UBTD2: variants seen among roughly 807,000 people sequenced by gnomAD.
UBTD2 encodes the protein ubiquitin domain-containing protein 2.
A neutral mutation model predicts 19.8 loss-of-function variants in UBTD2; 9 were observed. That is an observed-to-expected ratio of 0.46 (90% CI 0.27 to 0.79). The LOEUF (loss-of-function observed/expected upper bound fraction) is 0.79, where lower values mean the gene tolerates loss of function less well. Among genes scored for constraint, UBTD2 ranks in the 30% least tolerant of loss-of-function variants. The pLI is 0.14. For missense variants in UBTD2, 250 were observed against 300.4 expected (o/e 0.83, Z 1.24); for synonymous variants, 98 against 103.9 (o/e 0.94, Z 0.35).
chr5:172,227,591 G>A (rs1771795435), intron 2 of UBTD2, among the ~76,000 whole-genome samples: 1 of 150,900 alleles, frequency 6.6e-6, no homozygotes, highest in Admixed American at 6.6e-5. Context: ...TACCACGTTA[G>A]CCAGGATGGT....
chr5:172,263,849 C>CTGTGTGTGTGTGTGTGTG (rs1234224827), intron 1 of UBTD2, among the ~76,000 whole-genome samples: 11 of 34,144 alleles, frequency 3.2e-4, no homozygotes, highest in African/African-American at 3.0e-3. Flanking sequence ...ATGCACGTGC[C>CTGTGTGTGTGTGTGTGTG]TCTGTGTGTG....
Position 172,210,636 on chromosome 5 carries a change from T to C in UBTD2, c.*1194A>G, listed in dbSNP as rs565053780. ...GAGGGAGGAAAATTGTCATCTACCA[T>C]GACTAGAGGTAACAGTGAACTGGAA... On this transcript the variant is annotated 3_prime_UTR_variant, in exon 3 of 3. Transcript: ENST00000393792. 2.6e-5 allele frequency: 4 copies of C among 152,268 alleles called. No homozygotes were observed. The highest frequency in any genetic ancestry group is 2.4e-5 in the African/African-American group (1 of 41,558). The allele number at this position is 152,268 out of a possible 1,614,324, so 9.4% of individuals were successfully genotyped here. A position where few individuals can be genotyped will look rare whatever the true frequency, so the allele number is the denominator to read the frequency against.
chr5:172,244,780 G>A (rs1211444554), intron 1 of UBTD2, among the ~76,000 whole-genome samples: 1 of 152,046 alleles, frequency 6.6e-6, no homozygotes, highest in Non-Finnish European at 1.5e-5. Flanking sequence ...TCAGGATGGA[G>A]TGCAATGGTG....
At chr5:172,241,926 G>A (rs1231133050) in intron 1 of UBTD2, among the ~76,000 whole-genome samples, 1 of 152,236 alleles carries the variant, frequency 6.6e-6, no homozygotes, top group Non-Finnish European at 1.5e-5. Context: ...ACTGAGGTGG[G>A]AGGATCACTA....
chr5:172,262,168 G>C (rs1301077903), intron 1 of UBTD2, among the ~76,000 whole-genome samples: 2 of 152,090 alleles, frequency 1.3e-5, no homozygotes, highest in East Asian at 3.9e-4. Flanking sequence ...AAGAAAATGT[G>C]GTCGGGAGCG....
chr5:172,217,713 A>C (rs2113874664), intron 2 of UBTD2, among the ~76,000 whole-genome samples: 1 of 152,190 alleles, frequency 6.6e-6, no homozygotes, highest in East Asian at 1.9e-4. Flanking sequence ...GGCTGGTCTC[A>C]AACTCCTGGG....
chr5:172,217,041 T>C (rs753129624), intron 2 of UBTD2, among the ~76,000 whole-genome samples: 1 of 152,090 alleles, frequency 6.6e-6, no homozygotes, highest in Non-Finnish European at 1.5e-5. Context: ...CATGCAAGTA[T>C]ACAGTGAAGT....
At chr5:172,258,220 T>C (rs1345170552) in intron 1 of UBTD2, among the ~76,000 whole-genome samples, 1 of 152,258 alleles carries the variant, frequency 6.6e-6, no homozygotes, top group East Asian at 1.9e-4. Context: ...TGCATATGGC[T>C]AGCCAGTTAT....
intron 1 of UBTD2, among the ~76,000 whole-genome samples, chr5:172,260,695 C>A (rs1755249451): frequency 6.6e-6 from 1 of 152,160 alleles, no homozygotes; most frequent in South Asian, 2.1e-4. Context: ...ATTCTCAGAG[C>A]TCTTGTTACA....
intron 1 of UBTD2, among the ~76,000 whole-genome samples, chr5:172,269,116 T>C (rs1377047927): frequency 6.6e-6 from 1 of 152,044 alleles, no homozygotes; most frequent in Non-Finnish European, 1.5e-5. Flanking sequence ...AAAATATCAT[T>C]TGTTTAATAT....
intron 2 of UBTD2, among the ~76,000 whole-genome samples, chr5:172,215,932 G>A (rs555647302): frequency 1.3e-5 from 2 of 152,284 alleles, no homozygotes; most frequent in South Asian, 4.2e-4. Context: ...GGGAGGTTGA[G>A]GCGGGGGTAT....
intron 1 of UBTD2, among the ~76,000 whole-genome samples, chr5:172,274,120 C>T (rs1018797214): frequency 6.8e-6 from 1 of 146,730 alleles, no homozygotes; most frequent in East Asian, 2.0e-4. Flanking sequence ...CCTCCTCATG[C>T]TCAATTTTGC....
chr5:172,234,351 T>C lies in UBTD2; in HGVS notation c.78A>G (p.Leu26=). 6.2e-7 allele frequency: 1 copy of C among 1,613,784 alleles called. No homozygotes were observed. Among genetic ancestry groups the C allele is most frequent in the South Asian group, 1.1e-5 (1 of 91,042 alleles). ...CCTTTTTCAAAGGCTGGTTACGACCTAGAGCAACTGAAAAGAAAAATAAAA... is the reference window on the plus strand; with the variant it reads ...CCTTTTTCAAAGGCTGGTTACGACCCAGAGCAACTGAAAAGAAAAATAAAA... The part of the protein sequence containing the change: ...NENSEGTGVA[L]GRNQPLKKEK... The change falls in exon 2 of 3, where the codon CTA becomes CTG. Residue 26 remains leucine (L), a synonymous_variant. Coordinates refer to ENST00000393792, the MANE Select transcript of UBTD2 (RefSeq NM_152277.3).
rs187025390 is a variant in UBTD2 at position 172,270,406 on chromosome 5, G to A, written c.70+13190C>T. On this transcript the variant is annotated intron_variant, in intron 1 of 2. Transcript: ENST00000393792. ...GAGTTTCGCTCTTGTTGCCCAGGCC[G>A]GAGTGCAATGGTGCGATCTCGGCTC... Among the ~76,000 whole-genome samples, 920 of 135,432 alleles carry A rather than the reference G, an allele frequency of 6.8e-3. 7 individuals are homozygous for A. Among genetic ancestry groups the A allele is most frequent in the Non-Finnish European group, 9.3e-3 (609 of 65,686 alleles). 88.8% of individuals were successfully genotyped at this position (135,432 alleles called of 152,430 possible).
intron 2 of UBTD2, among the ~76,000 whole-genome samples, chr5:172,227,103 T>C (rs1771782668): frequency 6.6e-6 from 1 of 152,156 alleles, no homozygotes; most frequent in African/African-American, 2.4e-5. Flanking sequence ...TTTACAGAAG[T>C]AGAAGTTGGT....
At position 172,283,270 on chromosome 5, in the gene UBTD2, T is replaced by A. The variant is rs1390861104; in HGVS notation, c.70+326A>T. 6.6e-6 allele frequency among the ~76,000 whole-genome samples: 1 copy of A among 151,396 alleles called. No individual in the cohort carries two copies. Among genetic ancestry groups the A allele is most frequent in the Non-Finnish European group, 1.5e-5 (1 of 67,788 alleles). On this transcript the variant is annotated intron_variant, in intron 1 of 2. Coordinates refer to ENST00000393792, the MANE Select transcript of UBTD2 (RefSeq NM_152277.3). The surrounding 1 kb of genome is among the most constrained non-coding windows in gnomAD (Gnocchi z 4.3). ...TTCTGCAACCCCGGCGCCGCCATCC[T>A]GATCCTCAATAATTAAACGGCCTGG...
chr5:172,234,507 C>CT (rs1771969490), intron 1 of UBTD2, 149 bp from the exon 2 acceptor site: 1 of 707,726 alleles, frequency 1.4e-6, no homozygotes, highest in East Asian at 2.7e-5. Context: ...TGAAATTCCT[C>CT]TAACACATTT....
intron 1 of UBTD2, among the ~76,000 whole-genome samples, chr5:172,242,589 G>C (rs1412262891): frequency 1.3e-5 from 2 of 152,158 alleles, no homozygotes; most frequent in African/African-American, 4.8e-5. Context: ...TTTTGAGTAA[G>C]AATTCTTCAT....
At chr5:172,270,114 C>T (rs1399606512) in intron 1 of UBTD2, among the ~76,000 whole-genome samples, 1 of 151,092 alleles carries the variant, frequency 6.6e-6, no homozygotes, top group East Asian at 2.1e-4. Flanking sequence ...GAGTCTTGCT[C>T]TGTCACCAAG....
Sources: allele counts gnomAD v4.1 joint callset (sites outside exome capture counted in the v4.1 genomes callset), GRCh38; gene constraint gnomAD v4.1.1; non-coding constraint Gnocchi (gnomAD v3.1); transcripts MANE v1.5; gene names NCBI Gene and HGNC (gene_info 2026-07-23, HGNC 2026-07-21).